Variants in PCDHA3 observed in about 807,000 individuals in gnomAD.
The protein encoded by PCDHA3 is protocadherin alpha-3.
In PCDHA3, 41 loss-of-function variants were observed where a neutral mutation model predicts 62.2. The ratio of observed to expected loss-of-function variants is 0.66; its 90% CI spans 0.51 to 0.86. The LOEUF is 0.86. Ranked by LOEUF, PCDHA3 falls within the 40% of genes least tolerant of loss-of-function variation. PCDHA3 has a pLI of 0.00. For missense variants in PCDHA3, 1,304 were observed against 1,241.2 expected, an observed-to-expected ratio of 1.05 and a Z score of -0.76; for synonymous variants, 640 against 555.4, an observed-to-expected ratio of 1.15 and a Z score of -2.14.
At chr5:140,874,887 T>G (rs1315281628) in intron 1 of PCDHA3, among the ~76,000 whole-genome samples, 2 of 152,350 alleles carry the variant, frequency 1.3e-5, no homozygotes, top group East Asian at 3.9e-4. Context: ...AATTCCTAAC[T>G]TTCTCTAAAA....
At position 140,835,851 on chromosome 5, in the gene PCDHA3, G is replaced by C. The variant is rs2150246583; in HGVS notation, c.2394+32260G>C. 1.9e-5 allele frequency: 30 copies of C among 1,612,172 alleles called. No homozygotes were observed. In the South Asian group the frequency reaches 3.0e-4, roughly 16 times the overall value. ...CGCGGACGCGCAGAAGAACGCGCTG[G>C]TGTCCTACTCGCTGGTGGAGCTGCG... On this transcript the variant is annotated intron_variant, in intron 1 of 3. Coordinates refer to ENST00000522353, the MANE Select transcript of PCDHA3 (RefSeq NM_018906.3).
chr5:140,870,052 A>C (rs782520778), intron 1 of PCDHA3: 1 of 1,613,830 alleles, frequency 6.2e-7, no homozygotes, highest in Non-Finnish European at 8.5e-7. Flanking sequence ...GTTTTATAAA[A>C]TTGAAGTACA....
intron 1 of PCDHA3, among the ~76,000 whole-genome samples, chr5:140,840,246 A>T (rs189141178): frequency 2.6e-5 from 4 of 152,184 alleles, no homozygotes; most frequent in African/African-American, 9.6e-5. Context: ...TCACTATGCT[A>T]TAAAAATTGT....
chr5:140,820,357 T>C (rs1476872263), intron 1 of PCDHA3, among the ~76,000 whole-genome samples: 1 of 152,044 alleles, frequency 6.6e-6, no homozygotes, highest in Non-Finnish European at 1.5e-5. Flanking sequence ...GAATTTCCTC[T>C]GACTTTGCAT....
intron 1 of PCDHA3, chr5:140,804,056 T>C (rs782242536): frequency 6.1e-6 from 1 of 163,738 alleles, no homozygotes. Flanking sequence ...CTATTGATTA[T>C]GCTTTTCCAC....
intron 1 of PCDHA3, among the ~76,000 whole-genome samples, chr5:140,934,446 A>G (rs527371307): frequency 2.0e-5 from 3 of 152,188 alleles, no homozygotes; most frequent in Non-Finnish European, 4.4e-5. Context: ...ATAGTGAAAA[A>G]TGCAAATAAT....
chr5:140,999,144 G>A (rs2097848915), intron 3 of PCDHA3, among the ~76,000 whole-genome samples: 1 of 152,200 alleles, frequency 6.6e-6, no homozygotes, highest in Non-Finnish European at 1.5e-5. Context: ...ACAGCCGGAA[G>A]TCTTCAGTCC....
At chr5:140,912,164 C>G (rs1554195175) in intron 1 of PCDHA3, among the ~76,000 whole-genome samples, 1 of 152,158 alleles carries the variant, frequency 6.6e-6, no homozygotes, top group Non-Finnish European at 1.5e-5. Flanking sequence ...TTTATTCTGG[C>G]TGTGCTGGCA....
chr5:141,005,164 G>T (rs782398186), intron 3 of PCDHA3, among the ~76,000 whole-genome samples: 1 of 152,178 alleles, frequency 6.6e-6, no homozygotes, highest in Non-Finnish European at 1.5e-5. Context: ...TAAAGAGTGG[G>T]TACCACTTTC....
chr5:140,835,730 C>T (rs1773881312), intron 1 of PCDHA3: 30 of 1,613,686 alleles, frequency 1.9e-5, no homozygotes, highest in Non-Finnish European at 2.5e-5. Context: ...CCGACGTGAA[C>T]GACAACGCCC....
chr5:140,987,149 G>A (rs1380803903), intron 3 of PCDHA3, among the ~76,000 whole-genome samples: 1 of 151,884 alleles, frequency 6.6e-6, no homozygotes, highest in African/African-American at 2.4e-5. Context: ...GGGAGGTGGA[G>A]GTTGCAGTGA....
chr5:140,805,804 A>G (rs548207122), intron 1 of PCDHA3, among the ~76,000 whole-genome samples: 2 of 152,304 alleles, frequency 1.3e-5, no homozygotes, highest in East Asian at 1.9e-4. Context: ...TTAGAAAATC[A>G]TAGAGGCTAT....
chr5:140,854,061 C>A, intron 1 of PCDHA3: 1 of 279,894 alleles, frequency 3.6e-6, no homozygotes, highest in Non-Finnish European at 5.4e-6. Flanking sequence ...ACTCAGGAGG[C>A]TGAGGCGAGA....
In PCDHA3 at chr5:140,829,496, C is replaced by A. The variant is rs2150168834; in HGVS notation, c.2394+25905C>A. 13 of 1,613,648 alleles carry A rather than the reference C, an allele frequency of 8.1e-6. No individual in the cohort carries two copies. The East Asian group carries it at 2.2e-4, about 28-fold the overall frequency. ...CACAGTGTTCGTGAAGGAGAACAAC[C>A]CGCCGGGCTGCCACATCTTCACGGT... On this transcript the variant is annotated intron_variant, in intron 1 of 3. Coordinates refer to ENST00000522353, the MANE Select transcript of PCDHA3 (RefSeq NM_018906.3).
At chr5:140,983,178 A>G (rs1302819191) in intron 3 of PCDHA3, among the ~76,000 whole-genome samples, 2 of 152,158 alleles carry the variant, frequency 1.3e-5, no homozygotes, top group Admixed American at 6.5e-5. Context: ...CCGCCTCACA[A>G]TTTCTTAGTT....
chr5:140,922,412 G>A lies in PCDHA3; in HGVS notation c.2395-56537G>A, dbSNP rs80310986. Among the ~76,000 whole-genome samples the A allele has an allele frequency of 7.3e-3, 1,117 of 152,260 alleles. 9 individuals carry two copies. Among genetic ancestry groups the A allele is most frequent in the Non-Finnish European group, 0.011 (755 of 68,032 alleles). ...CCTTGTTTTGGATTAAAAAGATCTA[G>A]GTACAGAGGCTGAGGGCAGAACTCT... is the stretch of plus-strand genomic sequence containing the variant. On this transcript the variant is annotated intron_variant, in intron 1 of 3. Coordinates refer to ENST00000522353, the MANE Select transcript of PCDHA3 (RefSeq NM_018906.3).
intron 1 of PCDHA3, among the ~76,000 whole-genome samples, chr5:140,914,813 C>T (rs1346638828): frequency 6.6e-6 from 1 of 152,070 alleles, no homozygotes; most frequent in Non-Finnish European, 1.5e-5. Flanking sequence ...GGCAACTTAA[C>T]AGACTGCATA....
chr5:140,808,887 C>G (rs782248203), intron 1 of PCDHA3: 2 of 1,613,290 alleles, frequency 1.2e-6, no homozygotes, highest in Non-Finnish European at 1.7e-6. Context: ...GCACTGCTAG[C>G]GCCTCGGGCG....
In PCDHA3 at chr5:141,011,945, A is replaced by G. The variant is rs1588262929; in HGVS notation, c.*2008A>G. On this transcript the variant is annotated 3_prime_UTR_variant, in exon 4 of 4. Transcript: ENST00000522353. ...AGGTAGGAGTCTGTTATTTAAAAAAAGCATTAAATTTAAAAAAAAACTGTC... is the reference window on the plus strand; with the variant it reads ...AGGTAGGAGTCTGTTATTTAAAAAAGGCATTAAATTTAAAAAAAAACTGTC... 6.5e-6 allele frequency: 1 copy of G among 153,752 alleles called. No individual in the cohort carries two copies. The highest frequency in any genetic ancestry group is 1.5e-5 in the Non-Finnish European group (1 of 68,044). The allele number at this position is 153,752 out of a possible 1,614,324, so 9.5% of individuals were successfully genotyped here. A position where few individuals can be genotyped will look rare whatever the true frequency, so the allele number is the denominator to read the frequency against.
Sources: allele counts gnomAD v4.1 joint callset (sites outside exome capture counted in the v4.1 genomes callset), GRCh38; gene constraint gnomAD v4.1.1; transcripts MANE v1.5; gene names NCBI Gene and HGNC (gene_info 2026-07-23, HGNC 2026-07-21).